BANK1: variants seen among roughly 807,000 people sequenced by gnomAD.
BANK1 encodes the protein B cell scaffold protein with ankyrin repeats 1.
BANK1 carries 95 observed loss-of-function variants against 94.5 expected under a neutral mutation model. That is an observed-to-expected ratio of 1.00 (90% CI 0.85 to 1.19). The LOEUF (loss-of-function observed/expected upper bound fraction) is 1.19, where lower values mean the gene tolerates loss of function less well. Among genes scored for constraint, BANK1 ranks in the 50% most tolerant of loss-of-function variants. The pLI is 0.00. For missense variants in BANK1, 987 were observed against 932.2 expected, an observed-to-expected ratio of 1.06 and a Z score of -0.77; for synonymous variants, 334 against 308.4, an observed-to-expected ratio of 1.08 and a Z score of -0.87.
At chr4:101,828,417 A>G (rs1371463022) in intron 1 of BANK1, among the ~76,000 whole-genome samples, 3 of 149,426 alleles carry the variant, frequency 2.0e-5, no homozygotes, top group South Asian at 2.1e-4. Context: ...ATATCTCCAT[A>G]TATATCTACC....
intron 7 of BANK1, among the ~76,000 whole-genome samples, chr4:101,940,153 T>C (rs1256204327): frequency 1.3e-5 from 2 of 151,794 alleles, no homozygotes; most frequent in Non-Finnish European, 2.9e-5. Context: ...AGATATTTAC[T>C]TATTTCTCTA....
At chr4:101,812,568 A>G (rs1379659079) in intron 1 of BANK1, among the ~76,000 whole-genome samples, 1 of 152,018 alleles carries the variant, frequency 6.6e-6, no homozygotes, top group African/African-American at 2.4e-5. Context: ...TAAGACATTT[A>G]TATGATGTAG....
intron 7 of BANK1, among the ~76,000 whole-genome samples, chr4:101,941,242 C>T (rs1474028101): frequency 1.3e-5 from 2 of 151,566 alleles, no homozygotes; most frequent in African/African-American, 2.4e-5. Context: ...TAATTCTTTA[C>T]TTTTCAGCAC....
intron 10 of BANK1, among the ~76,000 whole-genome samples, chr4:102,033,492 G>A (rs572219233): frequency 8.8e-4 from 134 of 152,240 alleles, no homozygotes; most frequent in African/African-American, 3.0e-3. Flanking sequence ...CATCGATTGA[G>A]TGCCAATGAT....
chr4:101,843,324 G>GTCATTCAATGAC (rs1727128516), intron 2 of BANK1, among the ~76,000 whole-genome samples: 1 of 151,970 alleles, frequency 6.6e-6, no homozygotes, highest in Non-Finnish European at 1.5e-5. Flanking sequence ...GACGTAAAAT[G>GTCATTCAATGAC]GTGCCCCATA....
At chr4:101,866,535 A>C (rs924963299) in intron 4 of BANK1, among the ~76,000 whole-genome samples, 1 of 152,144 alleles carries the variant, frequency 6.6e-6, no homozygotes, top group Non-Finnish European at 1.5e-5. Flanking sequence ...ACACCTATTC[A>C]TATTACATTC....
Position 102,007,120 on chromosome 4 carries a change from T to TATATA in BANK1, c.1207-14394_1207-14393insATATA, listed in dbSNP as rs1301827687. Among the ~76,000 whole-genome samples, 49 of 35,272 alleles carry TATATA rather than the reference T, an allele frequency of 1.4e-3. 1 individual carries two copies. Among genetic ancestry groups the TATATA allele is most frequent in the African/African-American group, 3.6e-3 (46 of 12,656 alleles). 23.1% of individuals were successfully genotyped at this position (35,272 alleles called of 152,430 possible). ...ATATTTATATATATATAAATATATA[T>TATATA]TTTATATATATATAAAAAATATATT... On this transcript the variant is annotated intron_variant, in intron 7 of 16. Coordinates refer to ENST00000322953, the MANE Select transcript of BANK1 (RefSeq NM_017935.5).
chr4:101,883,137 C>T (rs1728737011), intron 5 of BANK1, among the ~76,000 whole-genome samples: 1 of 152,172 alleles, frequency 6.6e-6, no homozygotes, highest in African/African-American at 2.4e-5. Context: ...TTTTGTGCTG[C>T]ATTTCCACCT....
chr4:101,941,940 TCCTCAA>T (rs1307663844), intron 7 of BANK1, among the ~76,000 whole-genome samples: 1 of 151,804 alleles, frequency 6.6e-6, no homozygotes, highest in Non-Finnish European at 1.5e-5. Flanking sequence ...AGACTGAAAC[TCCTCAA>T]CCATGAAAAT....
chr4:101,813,873 G>A, intron 1 of BANK1: 1 of 985,386 alleles, frequency 1.0e-6, no homozygotes, highest in Non-Finnish European at 1.2e-6. Flanking sequence ...AAGAGGGTGG[G>A]GGACTACTTG....
intron 2 of BANK1, among the ~76,000 whole-genome samples, chr4:101,840,881 A>T (rs1446204950): frequency 1.3e-5 from 2 of 152,134 alleles, no homozygotes; most frequent in African/African-American, 2.4e-5. Flanking sequence ...TCACTCTAGA[A>T]TGCAGTGGTG....
intron 1 of BANK1, among the ~76,000 whole-genome samples, chr4:101,804,035 A>T (rs1307326930): frequency 1.1e-4 from 9 of 82,630 alleles, no homozygotes; most frequent in Non-Finnish European, 2.2e-4. Flanking sequence ...AGAAATATAT[A>T]AAAAAAAGAA....
intron 7 of BANK1, among the ~76,000 whole-genome samples, chr4:102,003,602 G>A (rs546264732): frequency 2.0e-5 from 3 of 152,208 alleles, no homozygotes; most frequent in Admixed American, 2.0e-4. Context: ...CTGTGACCTA[G>A]TTGCAGAAGT....
At chr4:101,921,573 A>G (rs374711651) in intron 7 of BANK1, among the ~76,000 whole-genome samples, 1 of 151,924 alleles carries the variant, frequency 6.6e-6, no homozygotes, top group African/African-American at 2.4e-5. Flanking sequence ...ATTAGCTCAC[A>G]TATGTCACCC....
intron 13 of BANK1, 25 bp downstream of exon 13, chr4:102,063,163 A>G (rs1728481227): frequency 1.9e-6 from 3 of 1,587,242 alleles, no homozygotes; most frequent in Non-Finnish European, 1.7e-6. Context: ...CCTGCTATTC[A>G]AAAATAATAG....
At chr4:102,026,753 C>A (rs971565563) in intron 9 of BANK1, among the ~76,000 whole-genome samples, 3 of 143,274 alleles carry the variant, frequency 2.1e-5, no homozygotes, top group Non-Finnish European at 3.0e-5. Flanking sequence ...GCCCGGGAGG[C>A]GGAGGTTGCA....
intron 7 of BANK1, among the ~76,000 whole-genome samples, chr4:102,014,812 G>T (rs1180726421): frequency 2.0e-5 from 3 of 152,006 alleles, no homozygotes; most frequent in Admixed American, 6.6e-5. Context: ...ATTTCCCAGG[G>T]CTCAGTTTTT....
At chr4:102,050,701 C>G (rs1728019980) in intron 11 of BANK1, among the ~76,000 whole-genome samples, 1 of 152,088 alleles carries the variant, frequency 6.6e-6, no homozygotes, top group African/African-American at 2.4e-5. Context: ...ATGACTATTA[C>G]CATTTGTTAT....
intron 6 of BANK1, among the ~76,000 whole-genome samples, chr4:101,910,941 T>C (rs929956184): frequency 6.6e-6 from 1 of 152,076 alleles, no homozygotes; most frequent in Non-Finnish European, 1.5e-5. Flanking sequence ...AAAACAGAAC[T>C]ACAAAAATAA....
Sources: gnomAD v4.1 joint callset for allele counts (sites outside exome capture counted in the v4.1 genomes callset) on GRCh38, gnomAD v4.1.1 for gene constraint, MANE v1.5 for transcripts, NCBI Gene and HGNC (gene_info 2026-07-23, HGNC 2026-07-21) for gene names.